ZNF23: variants seen among roughly 807,000 people sequenced by gnomAD.
ZNF23 encodes kruppel-like zinc finger factor X31.
Under a neutral mutation model 56.2 loss-of-function variants are expected in ZNF23, and 48 were observed. The observed-to-expected ratio is 0.85, with a 90% CI of 0.68 to 1.09. ZNF23 has a LOEUF of 1.09. ZNF23 is among the 50% of genes least tolerant of loss of function. ZNF23 has a pLI of 0.00. For synonymous variants in ZNF23, 266 were observed against 283.3 expected (o/e 0.94, Z 0.61); for missense variants, 805 against 811.4 (o/e 0.99, Z 0.10).
chr16:71,457,408 T>A (rs2043275718), intron 1 of ZNF23, among the ~76,000 whole-genome samples: 1 of 152,020 alleles, frequency 6.6e-6, no homozygotes, highest in Non-Finnish European at 1.5e-5. Context: ...ACTAAAAATA[T>A]AAAAATTAGC....
intron 2 of ZNF23, among the ~76,000 whole-genome samples, chr16:71,455,582 C>G (rs935407632): frequency 1.3e-5 from 2 of 152,052 alleles, no homozygotes; most frequent in African/African-American, 4.8e-5. Flanking sequence ...ATCTTGAACT[C>G]CTGACCTCAA....
Position 71,448,040 on chromosome 16 carries a change from T to C in ZNF23, c.*53A>G, listed in dbSNP as rs1256242039. The C allele has an allele frequency of 3.5e-6, 5 of 1,417,298 alleles. No homozygotes were observed. The highest frequency in any genetic ancestry group is 2.9e-6 in the Non-Finnish European group (3 of 1,043,414). The allele number at this position is 1,417,298 out of a possible 1,614,324, so 87.8% of individuals were successfully genotyped here. ...GTTTTTCAATGGATGAATCTGATGA[T>C]ACTTGATCCATTTTGGCATTAACCT... is the stretch of plus-strand genomic sequence containing the variant. On this transcript the variant is annotated 3_prime_UTR_variant, in exon 5 of 5. Transcript: ENST00000647773.
Position 71,448,536 on chromosome 16 carries a change from T to C in ZNF23, c.1618A>G (p.Ile540Val). Residue 540 changes from isoleucine to valine, a missense_variant, in exon 5 of 5, where the codon ATC becomes GTC. Transcript: ENST00000647773. ...SKRNLLDHHR[I>V]HTGEKPYQCK... Reference sequence around the variant, plus strand: ...TGATAGGGCTTTTCTCCAGTATGGATTCGGTGATGATCAAGTAGGTTTCTT... The same window carrying C: ...TGATAGGGCTTTTCTCCAGTATGGACTCGGTGATGATCAAGTAGGTTTCTT... The C allele has an allele frequency of 6.2e-7, 1 of 1,613,958 alleles. No homozygotes were observed. Among genetic ancestry groups the C allele is most frequent in the Non-Finnish European group, 8.5e-7 (1 of 1,179,968 alleles).
In ZNF23 at chr16:71,449,301, G is replaced by A. The variant is rs2042965039; in HGVS notation, c.853C>T (p.His285Tyr). 6.2e-7 allele frequency: 1 copy of A among 1,614,100 alleles called. No homozygotes were observed. The highest frequency in any genetic ancestry group is 1.3e-5 in the African/African-American group (1 of 74,928). ...TTCTCCCCACTGTGGATTGTCTGAT[G>A]TGTGATATAATGGGAACTGTAGCTG... ...SFSYSSHYIT[H>Y]QTIHSGEKPY... The change falls in exon 5 of 5, where the codon CAT becomes TAT. Residue 285 changes from histidine (H) to tyrosine (Y), a missense_variant. Transcript: ENST00000647773.
rs1451978090 is a variant in ZNF23, at chr16:71,447,855, G to A, written c.*238C>T. 3 of 344,116 alleles carry A rather than the reference G, an allele frequency of 8.7e-6. No individual in the cohort carries two copies. Among genetic ancestry groups the A allele is most frequent in the South Asian group, 1.1e-4 (1 of 9,434 alleles). The allele number at this position is 344,116 out of a possible 1,614,324, so 21.3% of individuals were successfully genotyped here. Reference sequence around the variant, plus strand: ...AAATCTACTTTTCTTGATGCTGCTGGGAACGAAATCTTTTCATTATATTTT... The same window carrying A: ...AAATCTACTTTTCTTGATGCTGCTGAGAACGAAATCTTTTCATTATATTTT... On this transcript the variant is annotated 3_prime_UTR_variant, in exon 5 of 5. Transcript: ENST00000647773.
chr16:71,449,054 A>G lies in ZNF23; in HGVS notation c.1100T>C (p.Ile367Thr). 1 of 1,614,182 alleles carries G rather than the reference A, an allele frequency of 6.2e-7. No homozygotes were observed. The highest frequency in any genetic ancestry group is 8.5e-7 in the Non-Finnish European group (1 of 1,180,034). The change falls in exon 5 of 5, where the codon ATT becomes ACT. Residue 367 changes from isoleucine to threonine, a missense_variant. Ile to Thr is a moderately conservative substitution (Grantham distance 89). Transcript: ENST00000647773. ...TCCAGTATGGATTCTCTGATGTTGAATTAATTTTGCATTAACATTGAACGC... is the reference window on the plus strand; with the variant it reads ...TCCAGTATGGATTCTCTGATGTTGAGTTAATTTTGCATTAACATTGAACGC... ...GKAFNVNAKLIQHQRIHTGEK... is the reference protein window; with the variant it reads ...GKAFNVNAKLTQHQRIHTGEK...
At chr16:71,458,827 T>C (rs575294831) in intron 1 of ZNF23, among the ~76,000 whole-genome samples, 1 of 152,244 alleles carries the variant, frequency 6.6e-6, no homozygotes, top group South Asian at 2.1e-4. Flanking sequence ...GAAATAAGTA[T>C]GTTGGTGAAG....
intron 2 of ZNF23, 158 bp from the exon 3 acceptor site, chr16:71,454,326 A>G: frequency 1.0e-6 from 1 of 996,360 alleles, no homozygotes; most frequent in Non-Finnish European, 1.4e-6. Flanking sequence ...ATATCGAGAA[A>G]GTAAACTACA....
intron 1 of ZNF23, 198 bp downstream of exon 1, chr16:71,462,012 G>A (rs1400274072): frequency 6.6e-6 from 1 of 152,326 alleles, no homozygotes; most frequent in Non-Finnish European, 1.5e-5. Flanking sequence ...AAGCTATTGA[G>A]CCACAAAGAC....
In ZNF23 at chr16:71,448,378, C is replaced by T. The variant is rs1262468162; in HGVS notation, c.1776G>A (p.Val592=). The T allele has an allele frequency of 1.6e-5, 26 of 1,614,048 alleles. No homozygotes were observed. The highest frequency in any genetic ancestry group is 2.1e-5 in the Non-Finnish European group (25 of 1,179,998). The change falls in exon 5 of 5, where the codon GTG becomes GTA. Residue 592 remains valine, a synonymous_variant. Transcript: ENST00000647773. ...TCTCTCCTGTATGGATTCTCTGGTG[C>T]ACAATATAGTTAGAACTACAGCTGA... ...KAFSCSSNYI[V]HQRIHTGEKP... is the part of the protein sequence containing the mutation.
In ZNF23 at chr16:71,447,986, G is replaced by A; in HGVS notation, c.*107C>T. On this transcript the variant is annotated 3_prime_UTR_variant, in exon 5 of 5. Coordinates refer to ENST00000647773, the MANE Select transcript of ZNF23 (RefSeq NM_001381984.1). ...AGAATAAAAACTGTTTCCATATGAA[G>A]ACTCTGCCATATTCATGCCCTCTTG... 1 of 814,808 alleles carries A rather than the reference G, an allele frequency of 1.2e-6. No homozygotes were observed. The highest frequency in any genetic ancestry group is 1.9e-6 in the Non-Finnish European group (1 of 539,800). The allele number at this position is 814,808 out of a possible 1,614,324, so 50.5% of individuals were successfully genotyped here.
chr16:71,451,304 T>G (rs1448147486), intron 4 of ZNF23: 1 of 152,192 alleles, frequency 6.6e-6, no homozygotes, highest in Non-Finnish European at 1.5e-5. Flanking sequence ...ATATGCCCCC[T>G]GCCCCAGTAT....
rs2042964933 is a variant in ZNF23 at position 71,449,300 on chromosome 16, T to C, written c.854A>G (p.His285Arg). 4 of 1,614,242 alleles carry C rather than the reference T, an allele frequency of 2.5e-6. No individual in the cohort carries two copies. The highest frequency in any genetic ancestry group is 3.4e-6 in the Non-Finnish European group (4 of 1,180,042). ...CTTCTCCCCACTGTGGATTGTCTGA[T>C]GTGTGATATAATGGGAACTGTAGCT... ...SFSYSSHYITHQTIHSGEKPY... is the reference protein window; with the variant it reads ...SFSYSSHYITRQTIHSGEKPY... Residue 285 changes from histidine to arginine, a missense_variant, in exon 5 of 5, where the codon CAT becomes CGT. Coordinates refer to ENST00000647773, the MANE Select transcript of ZNF23 (RefSeq NM_001381984.1).
intron 1 of ZNF23, among the ~76,000 whole-genome samples, chr16:71,457,045 A>G (rs1299988400): frequency 6.6e-6 from 1 of 152,182 alleles, no homozygotes; most frequent in Admixed American, 6.5e-5. Flanking sequence ...GGACTTTACA[A>G]TTCTGATACA....
intron 1 of ZNF23, among the ~76,000 whole-genome samples, chr16:71,460,907 T>A (rs1391903581): frequency 6.6e-6 from 1 of 152,138 alleles, no homozygotes; most frequent in African/African-American, 2.4e-5. Context: ...ACATGTCCAT[T>A]GAAAATACAT....
chr16:71,455,961 T>C (rs1194744610), intron 2 of ZNF23: 1 of 455,402 alleles, frequency 2.2e-6, no homozygotes, highest in Non-Finnish European at 4.4e-6. Flanking sequence ...ACAGCACTTA[T>C]CACAGAGGCG....
chr16:71,453,816 T>A (rs1239632083), intron 3 of ZNF23: 1 of 587,998 alleles, frequency 1.7e-6, no homozygotes, highest in Non-Finnish European at 3.0e-6. Flanking sequence ...ATAGCTTTCA[T>A]GGGTTGGATC....
chr16:71,456,829 C>G lies in ZNF23; in HGVS notation c.-32-1G>C. ...TCCCCGTCTCAGAGAAGGGCTGGAGCTAAGGAGAAACACAAAGAGAGACAA... is the reference window on the plus strand; with the variant it reads ...TCCCCGTCTCAGAGAAGGGCTGGAGGTAAGGAGAAACACAAAGAGAGACAA... On this transcript the variant is annotated splice_acceptor_variant, in intron 1 of 4. Transcript: ENST00000647773. LOFTEE classifies it low-confidence loss of function (5UTR_SPLICE). 1 of 982,044 alleles carries G rather than the reference C, an allele frequency of 1.0e-6. No individual in the cohort carries two copies. Among genetic ancestry groups the G allele is most frequent in the South Asian group, 4.7e-5 (1 of 21,216 alleles). The allele number at this position is 982,044 out of a possible 1,614,324, so 60.8% of individuals were successfully genotyped here.
intron 1 of ZNF23, among the ~76,000 whole-genome samples, chr16:71,459,194 A>G (rs936254906): frequency 6.6e-6 from 1 of 152,210 alleles, no homozygotes; most frequent in African/African-American, 2.4e-5. Flanking sequence ...CCTATGTGGG[A>G]CACCTGTGGA....
Sources: gnomAD v4.1 joint callset for allele counts (sites outside exome capture counted in the v4.1 genomes callset) on GRCh38, gnomAD v4.1.1 for gene constraint, MANE v1.5 for transcripts, NCBI Gene and HGNC (gene_info 2026-07-23, HGNC 2026-07-21) for gene names.